TRMT9B: variants seen among roughly 807,000 people sequenced by gnomAD.
TRMT9B encodes probable tRNA methyltransferase 9B.
A neutral mutation model predicts 11.5 loss-of-function variants in TRMT9B; 16 were observed. The ratio of observed to expected loss-of-function variants is 1.39; its 90% confidence interval spans 0.94 to 2.11. The LOEUF (loss-of-function observed/expected upper bound fraction) is 2.11, where lower values mean the gene tolerates loss of function less well. Ranked by LOEUF, TRMT9B falls within the 30% of genes most tolerant of loss-of-function variation. The pLI, the probability that TRMT9B is intolerant of heterozygous loss-of-function variation, is 0.00. For missense variants in TRMT9B, 941 were observed against 553.8 expected (o/e 1.70, Z -7.02); for synonymous variants, 274 against 192.4 (o/e 1.42, Z -3.51).
chr8:12,983,591 A>G (rs1805764385), intron 1 of TRMT9B, among the ~76,000 whole-genome samples: 1 of 152,134 alleles, frequency 6.6e-6, no homozygotes, highest in Admixed American at 6.5e-5. Context: ...AATCGCTTGA[A>G]TCCAGGAGGC....
At chr8:13,004,997 C>T (rs534447357) in intron 2 of TRMT9B, among the ~76,000 whole-genome samples, 41 of 151,188 alleles carry the variant, frequency 2.7e-4, no homozygotes, top group African/African-American at 8.5e-4. Context: ...GACCTGCCCA[C>T]GGCCTGGGGG....
intron 1 of TRMT9B, among the ~76,000 whole-genome samples, chr8:12,963,757 C>G (rs1027886285): frequency 1.3e-5 from 2 of 152,146 alleles, no homozygotes; most frequent in Non-Finnish European, 2.9e-5. Flanking sequence ...TCAAACAAAA[C>G]AAAAATGTAT....
intron 1 of TRMT9B, among the ~76,000 whole-genome samples, chr8:12,972,698 A>G (rs762859912): frequency 3.3e-5 from 5 of 152,134 alleles, no homozygotes; most frequent in Non-Finnish European, 2.9e-5. Context: ...GGGAGAGACA[A>G]TGGCTTGATA....
At chr8:13,000,928 A>T (rs1293695886) in intron 2 of TRMT9B, among the ~76,000 whole-genome samples, 8 of 152,170 alleles carry the variant, frequency 5.3e-5, no homozygotes, top group Non-Finnish European at 8.8e-5. Flanking sequence ...CTCAGGACGC[A>T]AGGCTGGTAC....
In TRMT9B at chr8:13,012,708, A is replaced by C. The variant is rs755917067; in HGVS notation, c.179A>C (p.Lys60Thr). ...GGTTGTGGGACTGGAAAATATCTTA[A>C]AGTGAACAGCCAGGTACATACCGTG... is the stretch of plus-strand genomic sequence containing the variant. The part of the protein sequence containing the change: ...DIGCGTGKYL[K>T]VNSQVHTVGC... Residue 60 changes from lysine (K) to threonine (T), a missense_variant, in exon 4 of 5, where the codon AAA becomes ACA. By Grantham distance (78) the Lys-to-Thr change is moderately conservative. Transcript: ENST00000524591. The C allele has an allele frequency of 6.2e-7, 1 of 1,613,584 alleles. No homozygotes were observed. The highest frequency in any genetic ancestry group is 1.3e-5 in the African/African-American group (1 of 74,910).
At chr8:13,011,056 C>G (rs998897556) in intron 3 of TRMT9B, 1 of 484,732 alleles carries the variant, frequency 2.1e-6, no homozygotes, top group Non-Finnish European at 2.7e-6. Context: ...GCTACCCCAG[C>G]TCACTGCAAC....
At chr8:12,971,584 T>G (rs1803636611) in intron 1 of TRMT9B, among the ~76,000 whole-genome samples, 2 of 152,196 alleles carry the variant, frequency 1.3e-5, no homozygotes, top group Non-Finnish European at 2.9e-5. Context: ...TTTTGCTGGC[T>G]GAATGACTAT....
At position 13,012,000 on chromosome 8, in the gene TRMT9B, G is replaced by A. The variant is rs1306965794; in HGVS notation, c.155-684G>A. 5 of 985,234 alleles carry A rather than the reference G, an allele frequency of 5.1e-6. No homozygotes were observed. The Admixed American group carries it at 3.1e-4, about 61-fold the overall frequency. The allele number at this position is 985,234 out of a possible 1,614,324, so 61.0% of individuals were successfully genotyped here. ...AACAGGAGAATAAAAGCCGAAACATGCGTATATACAAAATGAAATATGAAT... is the reference window on the plus strand; with the variant it reads ...AACAGGAGAATAAAAGCCGAAACATACGTATATACAAAATGAAATATGAAT... On this transcript the variant is annotated intron_variant, in intron 3 of 4. Coordinates refer to ENST00000524591, the MANE Select transcript of TRMT9B (RefSeq NM_020844.3).
chr8:12,961,093 A>G (rs1406131529), intron 1 of TRMT9B, among the ~76,000 whole-genome samples: 2 of 152,084 alleles, frequency 1.3e-5, no homozygotes, highest in African/African-American at 2.4e-5. Flanking sequence ...GTGAGCCGAG[A>G]TTGCACCACT....
intron 1 of TRMT9B, among the ~76,000 whole-genome samples, chr8:12,977,324 C>T (rs1276902520): frequency 6.6e-6 from 1 of 152,150 alleles, no homozygotes; most frequent in African/African-American, 2.4e-5. Flanking sequence ...ACACAGATAA[C>T]CGTCAACCTG....
At chr8:13,001,904 G>A (rs562934222) in intron 2 of TRMT9B, among the ~76,000 whole-genome samples, 27 of 152,096 alleles carry the variant, frequency 1.8e-4, no homozygotes, top group Admixed American at 7.2e-4. Flanking sequence ...CTGGAAACCC[G>A]TGCTCTTGTT....
chr8:13,012,588 A>C (rs1237385459), intron 3 of TRMT9B, 96 bp from the exon 4 acceptor site: 4 of 1,418,292 alleles, frequency 2.8e-6, no homozygotes, highest in Non-Finnish European at 3.8e-6. Context: ...ATAAATAAAT[A>C]AATAAAAGGT....
At chr8:13,012,561 G>A in intron 3 of TRMT9B, 123 bp from the exon 4 acceptor site, 1 of 1,253,382 alleles carries the variant, frequency 8.0e-7, no homozygotes, top group South Asian at 1.7e-5. Flanking sequence ...GGTGACTGAG[G>A]GAGACTCTGT....
chr8:12,996,312 A>C (rs1028233648), intron 2 of TRMT9B, among the ~76,000 whole-genome samples: 3 of 152,146 alleles, frequency 2.0e-5, no homozygotes, highest in Non-Finnish European at 4.4e-5. Flanking sequence ...CTGATGAGTC[A>C]CTTACCTGGT....
rs1195328955 is a variant in TRMT9B, at chr8:13,029,286, A to T, written c.*7242A>T. The stretch of plus-strand genomic sequence containing the variant: ...ACGTGTATTTGGGTCAAAAGTGCAA[A>T]AACTTTTTTCTACAATGTACAGTTA... On this transcript the variant is annotated 3_prime_UTR_variant, in exon 5 of 5. Transcript: ENST00000524591. 6.0e-6 allele frequency: 1 copy of T among 167,046 alleles called. No individual in the cohort carries two copies. The highest frequency in any genetic ancestry group is 6.5e-5 in the Admixed American group (1 of 15,274). The allele number at this position is 167,046 out of a possible 1,614,324, so 10.3% of individuals were successfully genotyped here.
At chr8:12,964,014 C>G (rs978066705) in intron 1 of TRMT9B, among the ~76,000 whole-genome samples, 1 of 152,182 alleles carries the variant, frequency 6.6e-6, no homozygotes, top group Non-Finnish European at 1.5e-5. Context: ...AAACCATTCA[C>G]TTGTTTTTGA....
At chr8:12,997,216 T>G (rs75526867) in intron 2 of TRMT9B, among the ~76,000 whole-genome samples, 12,321 of 152,002 alleles carry the variant, frequency 0.081, 762 homozygotes, top group African/African-American at 0.17. Flanking sequence ...CGGGTTATGG[T>G]GGTGGATCCC....
chr8:13,007,038 A>G (rs917742475), intron 3 of TRMT9B: 1 of 152,348 alleles, frequency 6.6e-6, no homozygotes, highest in Non-Finnish European at 1.5e-5. Flanking sequence ...CGGACCTGAC[A>G]TTGATTGACT....
At position 12,989,453 on chromosome 8, in the gene TRMT9B, T is replaced by C. The variant is rs780673015; in HGVS notation, c.-199-1381T>C. Among the ~76,000 whole-genome samples, 269 of 152,324 alleles carry C rather than the reference T, an allele frequency of 1.8e-3. 1 individual carries two copies. Among genetic ancestry groups the C allele is most frequent in the Non-Finnish European group, 1.9e-3 (126 of 68,028 alleles). ...CATATTTGTAGGTGTTTTGGGTGCC[T>C]GATTTGGGCGTATAGACAAGCCTCC... On this transcript the variant is annotated intron_variant, in intron 1 of 4. Transcript: ENST00000524591.
Sources: allele counts gnomAD v4.1 joint callset (sites outside exome capture counted in the v4.1 genomes callset), GRCh38; gene constraint gnomAD v4.1.1; transcripts MANE v1.5; gene names NCBI Gene and HGNC (gene_info 2026-07-23, HGNC 2026-07-21).